ZHX3: variants seen among roughly 807,000 people sequenced by gnomAD.
ZHX3 encodes zinc fingers and homeoboxes 3, also known as zinc fingers and homeoboxes protein 3.
In ZHX3, 20 loss-of-function variants were observed where a neutral mutation model predicts 64.5. The ratio of observed to expected loss-of-function variants is 0.31; its 90% CI spans 0.22 to 0.45. The LOEUF is 0.45. ZHX3 is among the 20% of genes least tolerant of loss of function. The pLI is 1.00. For missense variants in ZHX3, 1,041 were observed against 1,195.8 expected, an observed-to-expected ratio of 0.87 and a Z score of 1.91; for synonymous variants, 423 against 461.6, an observed-to-expected ratio of 0.92 and a Z score of 1.07.
chr20:41,198,717 G>C (rs2037972416), intron 3 of ZHX3, among the ~76,000 whole-genome samples: 1 of 151,746 alleles, frequency 6.6e-6, no homozygotes, highest in African/African-American at 2.4e-5. Flanking sequence ...TTTTGGATGT[G>C]TAGATTCATG....
intron 1 of ZHX3, among the ~76,000 whole-genome samples, chr20:41,298,852 CAT>C (rs1244585353): frequency 6.6e-6 from 1 of 152,160 alleles, no homozygotes; most frequent in African/African-American, 2.4e-5. Context: ...TGAAGGGTTG[CAT>C]ATGTTATATA....
At chr20:41,267,584 T>C (rs1251008852) in intron 2 of ZHX3, 1 of 152,246 alleles carries the variant, frequency 6.6e-6, no homozygotes, top group Admixed American at 6.5e-5. Flanking sequence ...CAATCAAATT[T>C]ATCTACAGTG....
At chr20:41,237,843 C>T (rs1600462338) in intron 2 of ZHX3, among the ~76,000 whole-genome samples, 1 of 152,188 alleles carries the variant, frequency 6.6e-6, no homozygotes, top group South Asian at 2.1e-4. Context: ...ATTTATTAAA[C>T]ACAAGGTTCT....
At position 41,232,345 on chromosome 20, in the gene ZHX3, T is replaced by C. The variant is rs1255517180; in HGVS notation, c.-150-27279A>G. On this transcript the variant is annotated intron_variant, in intron 2 of 3. Transcript: ENST00000683867. This position sits in a 1 kb window ranked among gnomAD's most constrained non-coding sequence, Gnocchi z 5.0. ...AAAGAACTCAATGGTTAAGAACTAGTATACAGCAAAGCAGACCTGGGGAGT... is the reference window on the plus strand; with the variant it reads ...AAAGAACTCAATGGTTAAGAACTAGCATACAGCAAAGCAGACCTGGGGAGT... Among the ~76,000 whole-genome samples the C allele has an allele frequency of 6.6e-6, 1 of 151,686 alleles. No homozygotes were observed. Among genetic ancestry groups the C allele is most frequent in the African/African-American group, 2.4e-5 (1 of 41,296 alleles).
chr20:41,241,455 G>C lies in ZHX3; in HGVS notation c.-151+27535C>G, dbSNP rs6029586. Reference sequence around the variant, plus strand: ...TGCAAATATTTTCTCCCATATTGTGGGTTGTCCCTTCACTTTGTTAATTGT... The same window carrying C: ...TGCAAATATTTTCTCCCATATTGTGCGTTGTCCCTTCACTTTGTTAATTGT... On this transcript the variant is annotated intron_variant, in intron 2 of 3. Transcript: ENST00000683867. 7.8e-3 allele frequency among the ~76,000 whole-genome samples: 1,187 copies of C among 152,162 alleles called. 11 individuals carry two copies. Among genetic ancestry groups the C allele is most frequent in the African/African-American group, 0.027 (1,122 of 41,494 alleles).
At position 41,182,291 on chromosome 20, in the gene ZHX3, C is replaced by T. The variant is rs942605531; in HGVS notation, c.*2900G>A. On this transcript the variant is annotated 3_prime_UTR_variant, in exon 4 of 4. Transcript: ENST00000683867. This position sits in a 1 kb window ranked among gnomAD's most constrained non-coding sequence, Gnocchi z 6.1. ...TACAGAGAAAAGGGATAAGATTAGCCACTTTTTATAGGCTTTTTCTTCAGG... is the reference window on the plus strand; with the variant it reads ...TACAGAGAAAAGGGATAAGATTAGCTACTTTTTATAGGCTTTTTCTTCAGG... 1.3e-5 allele frequency: 2 copies of T among 152,194 alleles called. No homozygotes were observed. The highest frequency in any genetic ancestry group is 6.5e-5 in the Admixed American group (1 of 15,286). 9.4% of individuals were successfully genotyped at this position (152,194 alleles called of 1,614,324 possible).
chr20:41,290,220 C>T (rs1490389319), intron 1 of ZHX3: 3 of 152,212 alleles, frequency 2.0e-5, no homozygotes, highest in Non-Finnish European at 2.9e-5. Flanking sequence ...AAACCTCACA[C>T]ATTTCTTACT....
chr20:41,185,000 G>A lies in ZHX3; in HGVS notation c.*191C>T. 6.4e-7 allele frequency: 1 copy of A among 1,551,028 alleles called. No homozygotes were observed. The highest frequency in any genetic ancestry group is 1.4e-5 in the African/African-American group (1 of 73,166). ...TGATGAGAACCCCATCTTGCTTGCT[G>A]CTTGCTTGGTGGTGGGCAGGCCGAG... On this transcript the variant is annotated 3_prime_UTR_variant, in exon 4 of 4. Transcript: ENST00000683867.
At chr20:41,253,349 A>G (rs1049838513) in intron 2 of ZHX3, among the ~76,000 whole-genome samples, 2 of 151,984 alleles carry the variant, frequency 1.3e-5, no homozygotes, top group Admixed American at 1.3e-4. Flanking sequence ...ATAATTATGT[A>G]TATCTTTTGT....
At position 41,232,202 on chromosome 20, in the gene ZHX3, A is replaced by G. The variant is rs754444469; in HGVS notation, c.-150-27136T>C. ...GAAGGGTGACTTAATAACCATCTTC[A>G]ATCATTGTTATTACACAGAGAATGA... On this transcript the variant is annotated intron_variant, in intron 2 of 3. Transcript: ENST00000683867. The surrounding 1 kb of genome is among the most constrained non-coding windows in gnomAD (Gnocchi z 5.0). 1.3e-5 allele frequency among the ~76,000 whole-genome samples: 2 copies of G among 152,336 alleles called. No homozygotes were observed. The highest frequency in any genetic ancestry group is 2.9e-5 in the Non-Finnish European group (2 of 68,030).
At chr20:41,298,742 T>C (rs1474335586) in intron 1 of ZHX3, among the ~76,000 whole-genome samples, 2 of 152,138 alleles carry the variant, frequency 1.3e-5, no homozygotes, top group African/African-American at 2.4e-5. Flanking sequence ...GATCACAATA[T>C]GCAGACTAAG....
intron 2 of ZHX3, among the ~76,000 whole-genome samples, chr20:41,211,652 G>A (rs891958436): frequency 6.6e-6 from 1 of 152,052 alleles, no homozygotes; most frequent in African/African-American, 2.4e-5. Flanking sequence ...TGTTACACAA[G>A]CTTCATAAGT....
chr20:41,215,647 G>T (rs1360182863), intron 2 of ZHX3, among the ~76,000 whole-genome samples: 2 of 151,710 alleles, frequency 1.3e-5, no homozygotes. Flanking sequence ...ATTAAAAACG[G>T]AAATAGGCCA....
chr20:41,260,085 G>A (rs2042477111), intron 2 of ZHX3, among the ~76,000 whole-genome samples: 1 of 151,416 alleles, frequency 6.6e-6, no homozygotes, highest in South Asian at 2.1e-4. Flanking sequence ...ATACAATAAT[G>A]TAATTTGCTA....
In ZHX3 at chr20:41,202,003, G is replaced by C. The variant is rs756093080; in HGVS notation, c.2860+54C>G. On this transcript the variant is annotated intron_variant, in intron 3 of 3. Transcript: ENST00000683867. The surrounding 1 kb of genome is among the most constrained non-coding windows in gnomAD (Gnocchi z 7.0). The stretch of plus-strand genomic sequence containing the variant: ...CAGTAAATTCAGTGCCCAACCATAA[G>C]TGCCTCCTCCCCTTACCCACACAGG... The C allele has an allele frequency of 4.6e-6, 7 of 1,510,904 alleles. No individual in the cohort carries two copies. The highest frequency in any genetic ancestry group is 6.2e-6 in the Non-Finnish European group (7 of 1,130,220). The allele number at this position is 1,510,904 out of a possible 1,614,324, so 93.6% of individuals were successfully genotyped here.
In ZHX3 at chr20:41,202,748, G is replaced by A. The variant is rs774610757; in HGVS notation, c.2169C>T (p.Ser723=). The A allele has an allele frequency of 6.2e-7, 1 of 1,614,122 alleles. No individual in the cohort carries two copies. The highest frequency in any genetic ancestry group is 1.7e-5 in the Admixed American group (1 of 60,026). The change falls in exon 3 of 4, where the codon AGC becomes AGT. Residue 723 remains serine (S), a synonymous_variant. Transcript: ENST00000683867. This position sits in a 1 kb window ranked among gnomAD's most constrained non-coding sequence, Gnocchi z 7.0. The part of the protein sequence containing the change: ...SSHILAERKV[S]PIKINLKNLR... ...GGTTCTTCAGGTTGATTTTAATGGG[G>A]CTGACTTTGCGCTCTGCCAAGATAT...
intron 2 of ZHX3, among the ~76,000 whole-genome samples, chr20:41,234,930 A>T (rs2040864988): frequency 1.3e-5 from 2 of 152,252 alleles, no homozygotes; most frequent in African/African-American, 2.4e-5. Context: ...TGTTTTGAAC[A>T]AACTGGCAGA....
At chr20:41,298,683 AG>A (rs1253909260) in intron 1 of ZHX3, among the ~76,000 whole-genome samples, 1 of 152,220 alleles carries the variant, frequency 6.6e-6, no homozygotes, top group African/African-American at 2.4e-5. Flanking sequence ...AAGTTTAGTA[AG>A]GGACTGAACC....
intron 3 of ZHX3, among the ~76,000 whole-genome samples, chr20:41,192,184 A>C (rs1053130455): frequency 5.3e-5 from 8 of 152,290 alleles, no homozygotes; most frequent in African/African-American, 1.7e-4. Context: ...TGGTACATAC[A>C]GGTAGTAGTG....
Sources: gnomAD v4.1 joint callset for allele counts (sites outside exome capture counted in the v4.1 genomes callset) on GRCh38, gnomAD v4.1.1 for gene constraint, Gnocchi (gnomAD v3.1) non-coding constraint, MANE v1.5 for transcripts, NCBI Gene and HGNC (gene_info 2026-07-23, HGNC 2026-07-21) for gene names.